Variants in PCNX2 observed in about 807,000 individuals in gnomAD.
PCNX2 encodes pecanex 2, also known as pecanex-like protein 2.
A neutral mutation model predicts 223.8 loss-of-function variants in PCNX2; 168 were observed. The observed-to-expected ratio is 0.75, with a 90% CI of 0.66 to 0.85. PCNX2 has a LOEUF of 0.85. Ranked by LOEUF, PCNX2 falls within the 40% of genes least tolerant of loss-of-function variation. The pLI is 0.00. For missense variants in PCNX2, 2,507 were observed against 2,675.5 expected (o/e 0.94, Z 1.39); for synonymous variants, 1,006 against 1,052.6 (o/e 0.96, Z 0.86).
chr1:233,073,868 T>C (rs1672968563), intron 23 of PCNX2, among the ~76,000 whole-genome samples: 1 of 152,198 alleles, frequency 6.6e-6, no homozygotes, highest in Non-Finnish European at 1.5e-5. Context: ...GATCATTCTG[T>C]CTTGGTCTCC....
chr1:233,080,317 C>T (rs1015292352), intron 23 of PCNX2, among the ~76,000 whole-genome samples: 3 of 152,034 alleles, frequency 2.0e-5, no homozygotes, highest in African/African-American at 7.2e-5. Context: ...CCAGTACCTG[C>T]TGTCTCCCCA....
At chr1:233,200,678 G>A (rs993552636) in intron 13 of PCNX2, among the ~76,000 whole-genome samples, 3 of 151,676 alleles carry the variant, frequency 2.0e-5, no homozygotes, top group African/African-American at 4.8e-5. Context: ...GGACATGGGG[G>A]AGATGAGGGC....
At chr1:233,327,283 G>T in the PCNX2 span, among the ~76,000 whole-genome samples, 2 of 151,426 alleles carry the variant, frequency 1.3e-5, no homozygotes, top group South Asian at 4.2e-4. Context: ...GGCCGATCCC[G>T]CCTCCCAGAC....
At chr1:233,187,019 G>A (rs1239333331) in intron 15 of PCNX2, among the ~76,000 whole-genome samples, 1 of 152,108 alleles carries the variant, frequency 6.6e-6, no homozygotes. Context: ...CCTTTTATGT[G>A]ACACACTAAT....
intron 19 of PCNX2, among the ~76,000 whole-genome samples, chr1:233,142,829 C>T (rs1262265562): frequency 6.6e-6 from 1 of 152,094 alleles, no homozygotes; most frequent in Non-Finnish European, 1.5e-5. Context: ...CTTTTGAAAA[C>T]TCACTCTGCC....
the PCNX2 span, among the ~76,000 whole-genome samples, chr1:233,314,740 A>AT: frequency 2.0e-5 from 3 of 151,772 alleles, no homozygotes; most frequent in Middle Eastern, 6.3e-3. Context: ...GGGGGCTTTT[A>AT]TTTAAAAAAA....
chr1:233,287,398 C>T (rs1330058080), intron 1 of PCNX2, among the ~76,000 whole-genome samples: 1 of 152,212 alleles, frequency 6.6e-6, no homozygotes, highest in African/African-American at 2.4e-5. Flanking sequence ...ATAATTCCCA[C>T]AGCTCATGGC....
At chr1:233,262,723 T>C (rs551141828) in intron 2 of PCNX2, among the ~76,000 whole-genome samples, 14 of 152,274 alleles carry the variant, frequency 9.2e-5, no homozygotes, top group African/African-American at 3.4e-4. Flanking sequence ...AAATGAATTC[T>C]AGATCTTATG....
intron 19 of PCNX2, among the ~76,000 whole-genome samples, chr1:233,146,871 T>C (rs563678954): frequency 1.1e-3 from 171 of 152,290 alleles, no homozygotes; most frequent in African/African-American, 4.0e-3. Flanking sequence ...GGAGATAGAT[T>C]GATTTGAGTG....
At chr1:233,119,720 AT>A (rs907330798) in intron 21 of PCNX2, among the ~76,000 whole-genome samples, 2 of 152,168 alleles carry the variant, frequency 1.3e-5, no homozygotes, top group Non-Finnish European at 2.9e-5. Flanking sequence ...TTCACACAAA[AT>A]TATGATCAAT....
chr1:233,025,444 T>C (rs1366291124), intron 25 of PCNX2, 45 bp from the exon 26 acceptor site: 1 of 1,600,646 alleles, frequency 6.2e-7, no homozygotes, highest in Non-Finnish European at 8.5e-7. Context: ...GAAGGCATGC[T>C]AGAATGTTTG....
chr1:233,120,724 AT>A (rs1448347500), intron 21 of PCNX2, among the ~76,000 whole-genome samples: 1 of 152,232 alleles, frequency 6.6e-6, no homozygotes, highest in African/African-American at 2.4e-5. Flanking sequence ...TTCTTGAAAC[AT>A]CAAAATTATA....
At position 232,986,054 on chromosome 1, in the gene PCNX2, TCCCAGCCTGTCCTGGTGAGCCCTG is replaced by T. The variant is rs952642047; in HGVS notation, c.6240+14_6240+37del. 1.3e-6 allele frequency: 2 copies of T among 1,547,928 alleles called. No individual in the cohort carries two copies. Among genetic ancestry groups the T allele is most frequent in the Non-Finnish European group, 1.7e-6 (2 of 1,144,316 alleles). Reference sequence around the variant, plus strand: ...CTCAGGCCAGGAGCCCGTGCCACCATCCCAGCCTGTCCTGGTGAGCCCTGCCCAGCCCCTTACCCGAGTGGCCTG... The same window carrying T: ...CTCAGGCCAGGAGCCCGTGCCACCATCCCAGCCCCTTACCCGAGTGGCCTG... On this transcript the variant is annotated intron_variant, in intron 33 of 33. Coordinates refer to ENST00000258229, the MANE Select transcript of PCNX2 (RefSeq NM_014801.4).
chr1:233,128,778 C>A (rs1025225871), intron 21 of PCNX2, among the ~76,000 whole-genome samples: 10 of 152,152 alleles, frequency 6.6e-5, no homozygotes, highest in African/African-American at 2.4e-4. Context: ...ACCCAGACAA[C>A]CAGAAATGTC....
rs1440102458 is a variant in PCNX2 at position 233,139,891 on chromosome 1, C to T, written c.3518-36G>A. On this transcript the variant is annotated intron_variant, in intron 19 of 33. Coordinates refer to ENST00000258229, the MANE Select transcript of PCNX2 (RefSeq NM_014801.4). This position sits in a 1 kb window ranked among gnomAD's most constrained non-coding sequence, Gnocchi z 4.4. Reference sequence around the variant, plus strand: ...TATAAAAACCACTTAGAACAACCACCGATCAAAGTATTTTTCTTTAAGTAC... The same window carrying T: ...TATAAAAACCACTTAGAACAACCACTGATCAAAGTATTTTTCTTTAAGTAC... 7 of 1,594,072 alleles carry T rather than the reference C, an allele frequency of 4.4e-6. No homozygotes were observed. The highest frequency in any genetic ancestry group is 2.3e-5 in the South Asian group (2 of 88,268).
chr1:233,107,212 CAA>C lies in PCNX2; in HGVS notation c.3838-11351_3838-11350del, dbSNP rs1491554560. Among the ~76,000 whole-genome samples the C allele has an allele frequency of 4.2e-4, 63 of 150,522 alleles. 1 individual carries two copies. The South Asian group carries it at 4.4e-3, about 11-fold the overall frequency. On this transcript the variant is annotated intron_variant, in intron 21 of 33. Coordinates refer to ENST00000258229, the MANE Select transcript of PCNX2 (RefSeq NM_014801.4). Reference sequence around the variant, plus strand: ...ACACACACACACACACACACACACACAAAACCATGCACAGCCTTTTTATGTAA... The same window carrying C: ...ACACACACACACACACACACACACACAACCATGCACAGCCTTTTTATGTAA...
intron 32 of PCNX2, among the ~76,000 whole-genome samples, chr1:232,986,870 C>G (rs183528247): frequency 2.0e-5 from 3 of 152,196 alleles, no homozygotes; most frequent in Non-Finnish European, 2.9e-5. Flanking sequence ...GTCCCACATG[C>G]CTGGAAGCTG....
chr1:233,156,846 A>G (rs563197887), intron 19 of PCNX2, among the ~76,000 whole-genome samples: 62 of 152,270 alleles, frequency 4.1e-4, no homozygotes, highest in African/African-American at 1.5e-3. Context: ...TGAACCCAGG[A>G]GGCAGAGGTT....
intron 1 of PCNX2, chr1:233,291,728 C>G: frequency 3.1e-6 from 3 of 976,060 alleles, no homozygotes; most frequent in Non-Finnish European, 3.6e-6. Flanking sequence ...AAAGAACACT[C>G]TGCTCTGAAT....
Sources: gnomAD v4.1 joint callset for allele counts (sites outside exome capture counted in the v4.1 genomes callset) on GRCh38, gnomAD v4.1.1 for gene constraint, Gnocchi (gnomAD v3.1) non-coding constraint, MANE v1.5 for transcripts, NCBI Gene and HGNC (gene_info 2026-07-23, HGNC 2026-07-21) for gene names.